Variants in FXN observed in about 807,000 individuals in gnomAD.
FXN encodes frataxin, also known as frataxin, mitochondrial.
FXN carries 14 observed loss-of-function variants against 22.4 expected under a neutral mutation model. That is an observed-to-expected ratio of 0.62 (90% CI 0.41 to 0.98). The LOEUF (loss-of-function observed/expected upper bound fraction) is 0.98. Ranked by LOEUF, FXN falls within the 50% of genes least tolerant of loss-of-function variation. FXN has a pLI of 0.00. For synonymous variants in FXN, 120 were observed against 114.1 expected, an observed-to-expected ratio of 1.05 and a Z score of -0.33; for missense variants, 267 against 268.4, an observed-to-expected ratio of 0.99 and a Z score of 0.04.
Position 69,035,779 on chromosome 9 carries a change from C to T in FXN, c.-4C>T, listed in dbSNP as rs1445907625. 36 of 1,503,820 alleles carry T rather than the reference C, an allele frequency of 2.4e-5. No homozygotes were observed. The African/African-American group carries it at 2.9e-4, about 12-fold the overall frequency. 93.2% of individuals were successfully genotyped at this position (1,503,820 alleles called of 1,614,324 possible). A position where few individuals can be genotyped will look rare whatever the true frequency, so the allele number is the denominator to read the frequency against. ...GGCGGAGCGGGCGGCAGACCCGGAG[C>T]AGCATGTGGACTCTCGGGCGCCGCG... On this transcript the variant is annotated 5_prime_UTR_variant, in exon 1 of 5. Coordinates refer to ENST00000484259, the MANE Select transcript of FXN (RefSeq NM_000144.5).
intron 3 of FXN, among the ~76,000 whole-genome samples, chr9:69,060,706 G>T: frequency 6.6e-6 from 1 of 152,216 alleles, no homozygotes; most frequent in East Asian, 1.9e-4. Context: ...GGAGGAAGTT[G>T]AGCATTGGGG....
intron 3 of FXN, among the ~76,000 whole-genome samples, chr9:69,055,709 G>GTCTCAAACTCCTGA (rs1831947042): frequency 6.6e-6 from 1 of 151,656 alleles, no homozygotes; most frequent in Non-Finnish European, 1.5e-5. Context: ...GGCCAGGCTG[G>GTCTCAAACTCCTGA]TCTCAAACTC....
intron 4 of FXN, among the ~76,000 whole-genome samples, chr9:69,070,228 CA>C (rs563872382): frequency 3.2e-3 from 360 of 112,008 alleles, no homozygotes; most frequent in Admixed American, 3.8e-3. Flanking sequence ...GACCCCATCT[CA>C]AAAAAAAAAA....
chr9:69,062,578 T>A (rs1200790131), intron 3 of FXN, among the ~76,000 whole-genome samples: 1 of 152,182 alleles, frequency 6.6e-6, no homozygotes, highest in Non-Finnish European at 1.5e-5. Flanking sequence ...GGACAAATAC[T>A]TATGATTCCA....
Position 69,076,734 on chromosome 9 carries a change from TG to T in FXN, c.*3973del. ...TACGCTTCCAAGGTACACACTAAGA[TG>T]AAAGTAATTTTAGTCCGTGTCCAGT... On this transcript the variant is annotated 3_prime_UTR_variant, in exon 5 of 5. Transcript: ENST00000484259. 7.1e-6 allele frequency: 7 copies of T among 985,410 alleles called. No homozygotes were observed. The highest frequency in any genetic ancestry group is 8.4e-6 in the Non-Finnish European group (7 of 829,936). The allele number at this position is 985,410 out of a possible 1,614,324, so 61.0% of individuals were successfully genotyped here.
intron 3 of FXN, among the ~76,000 whole-genome samples, chr9:69,054,348 A>C (rs1831915871): frequency 6.6e-6 from 1 of 152,184 alleles, no homozygotes. Flanking sequence ...CAGATCCTAG[A>C]AGCCAGGGAA....
rs1423737434 is a variant in FXN at position 69,076,070 on chromosome 9, A to G, written c.*3308A>G. The G allele has an allele frequency of 2.0e-6, 2 of 984,252 alleles. No individual in the cohort carries two copies. The highest frequency in any genetic ancestry group is 2.4e-6 in the Non-Finnish European group (2 of 828,990). 61.0% of individuals were successfully genotyped at this position (984,252 alleles called of 1,614,324 possible). ...GAACCTCAGCCACATAGAAAATAAA[A>G]TGTTCTGGCATGACTTATTTAGCTC... On this transcript the variant is annotated 3_prime_UTR_variant, in exon 5 of 5. Coordinates refer to ENST00000484259, the MANE Select transcript of FXN (RefSeq NM_000144.5).
chr9:69,040,678 A>T (rs894991506), intron 1 of FXN, among the ~76,000 whole-genome samples: 1 of 151,464 alleles, frequency 6.6e-6, no homozygotes, highest in Admixed American at 6.6e-5. Context: ...AAAGAAAAAA[A>T]TAAATAAATA....
chr9:69,068,017 C>T (rs1832203192), intron 4 of FXN, among the ~76,000 whole-genome samples: 1 of 151,880 alleles, frequency 6.6e-6, no homozygotes, highest in African/African-American at 2.4e-5. Flanking sequence ...ATGAAGAAAA[C>T]ACAGTCCCAT....
At chr9:69,049,091 T>G (rs948204326) in intron 2 of FXN, among the ~76,000 whole-genome samples, 1 of 152,200 alleles carries the variant, frequency 6.6e-6, no homozygotes, top group African/African-American at 2.4e-5. Flanking sequence ...CAAGTCCAGC[T>G]GCCTCTGGCC....
intron 4 of FXN, among the ~76,000 whole-genome samples, chr9:69,071,565 C>T (rs931252517): frequency 1.3e-5 from 2 of 152,170 alleles, no homozygotes; most frequent in East Asian, 3.9e-4. Context: ...TATAAGAAGA[C>T]ATGGCAGAAG....
intron 1 of FXN, among the ~76,000 whole-genome samples, chr9:69,042,801 C>A (rs1293118369): frequency 6.6e-6 from 1 of 152,156 alleles, no homozygotes; most frequent in Non-Finnish European, 1.5e-5. Flanking sequence ...CTGAGGTGAG[C>A]CCCACATTCT....
In FXN at chr9:69,078,327, C is replaced by T. The variant is rs1273742737; in HGVS notation, c.*5565C>T. ...TCCTCTTGCCAGTCCATCAGCAGTT[C>T]CCCTTGAAAGTTTCACCAAACATCC... On this transcript the variant is annotated 3_prime_UTR_variant, in exon 5 of 5. Coordinates refer to ENST00000484259, the MANE Select transcript of FXN (RefSeq NM_000144.5). 3.0e-6 allele frequency: 3 copies of T among 985,358 alleles called. No individual in the cohort carries two copies. Among genetic ancestry groups the T allele is most frequent in the Non-Finnish European group, 3.6e-6 (3 of 829,988 alleles). 61.0% of individuals were successfully genotyped at this position (985,358 alleles called of 1,614,324 possible). A position where few individuals can be genotyped will look rare whatever the true frequency, so the allele number is the denominator to read the frequency against.
chr9:69,038,236 G>A (rs1831597828), intron 1 of FXN, among the ~76,000 whole-genome samples: 2 of 152,090 alleles, frequency 1.3e-5, no homozygotes, highest in African/African-American at 4.8e-5. Flanking sequence ...TGGCAACTGG[G>A]GCCACCATCC....
At chr9:69,052,879 G>A (rs567546733) in intron 2 of FXN, among the ~76,000 whole-genome samples, 6 of 150,828 alleles carry the variant, frequency 4.0e-5, no homozygotes, top group Non-Finnish European at 8.8e-5. Flanking sequence ...GGTGCCTTAC[G>A]CCTGTAATCC....
chr9:69,066,942 G>A (rs1420196403), intron 4 of FXN, among the ~76,000 whole-genome samples: 2 of 152,092 alleles, frequency 1.3e-5, no homozygotes, highest in Non-Finnish European at 2.9e-5. Flanking sequence ...GGCCAGAGCA[G>A]GCCACACCCA....
chr9:69,077,112 C>G lies in FXN; in HGVS notation c.*4350C>G. 1.9e-6 allele frequency: 1 copy of G among 514,172 alleles called. No individual in the cohort carries two copies. The highest frequency in any genetic ancestry group is 2.5e-6 in the Non-Finnish European group (1 of 399,488). 31.9% of individuals were successfully genotyped at this position (514,172 alleles called of 1,614,324 possible). On this transcript the variant is annotated 3_prime_UTR_variant, in exon 5 of 5. Coordinates refer to ENST00000484259, the MANE Select transcript of FXN (RefSeq NM_000144.5). The stretch of plus-strand genomic sequence containing the variant: ...TATTTTTAGTAGAGACGGGGTTTCA[C>G]CATCATGGCCAGGCTGGTCTTGAAC...
intron 2 of FXN, among the ~76,000 whole-genome samples, chr9:69,052,399 C>T (rs546684014): frequency 3.3e-5 from 5 of 152,226 alleles, no homozygotes; most frequent in Admixed American, 3.3e-4. Flanking sequence ...GGTGAGCCAC[C>T]TACCTCGGCC....
At chr9:69,051,039 C>T (rs1831840144) in intron 2 of FXN, among the ~76,000 whole-genome samples, 1 of 152,224 alleles carries the variant, frequency 6.6e-6, no homozygotes, top group South Asian at 2.1e-4. Flanking sequence ...CTCGGCCTCC[C>T]GAAGTGCTGG....
Sources: gnomAD v4.1 joint callset for allele counts (sites outside exome capture counted in the v4.1 genomes callset) on GRCh38, gnomAD v4.1.1 for gene constraint, MANE v1.5 for transcripts, NCBI Gene and HGNC (gene_info 2026-07-23, HGNC 2026-07-21) for gene names.